The following ZNF841 variants were observed in gnomAD, a reference collection of about 807,000 sequenced individuals.
The protein encoded by ZNF841 is zinc finger protein 841, also known as TCONS_00006091.
ZNF841 carries 11 observed loss-of-function variants against 13.0 expected under a neutral mutation model. The observed-to-expected ratio is 0.85, with a 90% CI of 0.53 to 1.40. ZNF841 has a LOEUF of 1.40. ZNF841 is among the 40% of genes most tolerant of loss of function. The probability of loss-of-function intolerance (pLI) is 0.00; values close to 1 mark genes in which losing one functional copy is unlikely to be tolerated. For missense variants in ZNF841, 1,068 were observed against 1,139.5 expected (o/e 0.94, Z 0.90); for synonymous variants, 369 against 381.6 (o/e 0.97, Z 0.38).
Position 52,065,166 on chromosome 19 carries a change from T to C in ZNF841, c.2716A>G (p.Thr906Ala). 3 of 1,583,674 alleles carry C rather than the reference T, an allele frequency of 1.9e-6. No individual in the cohort carries two copies. The highest frequency in any genetic ancestry group is 2.6e-6 in the Non-Finnish European group (3 of 1,165,300). ...QIKHAGENLT[T>A]KLNVERPLDV... Reference sequence around the variant, plus strand: ...AACGGCCTTTCCACATTGAGTTTAGTTGTAAGGTTCTCTCCAGCATGTTTT... The same window carrying C: ...AACGGCCTTTCCACATTGAGTTTAGCTGTAAGGTTCTCTCCAGCATGTTTT... The change falls in exon 7 of 7, where the codon ACT becomes GCT. Residue 906 changes from threonine to alanine, a missense_variant. Thr to Ala is a moderately conservative substitution (Grantham distance 58). Transcript: ENST00000594440.
chr19:52,078,592 G>A (rs553125039), intron 4 of ZNF841, among the ~76,000 whole-genome samples: 35 of 151,402 alleles, frequency 2.3e-4, no homozygotes, highest in Non-Finnish European at 4.4e-4. Context: ...CCAGCTACTC[G>A]GGAGGCTGAG....
At chr19:52,086,517 A>G (rs1390702100) in intron 3 of ZNF841, among the ~76,000 whole-genome samples, 1 of 152,222 alleles carries the variant, frequency 6.6e-6, no homozygotes, top group Non-Finnish European at 1.5e-5. Context: ...CTGTGAGCCA[A>G]TTAAACCTGT....
At chr19:52,059,315 A>C in the ZNF841 span, among the ~76,000 whole-genome samples, 7 of 138,986 alleles carry the variant, frequency 5.0e-5, no homozygotes, top group Non-Finnish European at 7.6e-5. Flanking sequence ...GCGCCGCTGC[A>C]CTCCAGCCTG....
At chr19:52,058,903 ACT>A in the ZNF841 span, 1 of 151,736 alleles carries the variant, frequency 6.6e-6, no homozygotes, top group African/African-American at 2.5e-5. Context: ...GGTGACAGAG[ACT>A]CTGTCTCAAA....
At chr19:52,085,718 A>C (rs1241270968) in intron 3 of ZNF841, among the ~76,000 whole-genome samples, 2 of 152,176 alleles carry the variant, frequency 1.3e-5, no homozygotes, top group Non-Finnish European at 2.9e-5. Flanking sequence ...AGGGAACAGG[A>C]AAGAGGCCTG....
intron 5 of ZNF841, 32 bp from the exon 6 acceptor site, chr19:52,076,204 C>A (rs1377408381): frequency 1.9e-6 from 3 of 1,545,896 alleles, no homozygotes; most frequent in East Asian, 2.4e-5. Context: ...AGATGTCCCA[C>A]GGTTTTTCCA....
At position 52,067,367 on chromosome 19, in the gene ZNF841, T is replaced by A. The variant is rs1327731728; in HGVS notation, c.515A>T (p.Gln172Leu). The A allele has an allele frequency of 1.2e-5, 18 of 1,549,650 alleles. No homozygotes were observed. The highest frequency in any genetic ancestry group is 1.5e-5 in the Non-Finnish European group (17 of 1,146,216). Reference sequence around the variant, plus strand: ...CATATGCTTGTTTTCTACGTCCCCTTGACTATGTCGAACTCTTTGACCAGT... The same window carrying A: ...CATATGCTTGTTTTCTACGTCCCCTAGACTATGTCGAACTCTTTGACCAGT... Reference protein sequence around the residue: ...NLTGQRVRHSQGDVENKHMEN... With the variant: ...NLTGQRVRHSLGDVENKHMEN... Residue 172 changes from glutamine (Q) to leucine (L), a missense_variant, in exon 7 of 7, where the codon CAA becomes CTA. Transcript: ENST00000594440.
intron 6 of ZNF841, among the ~76,000 whole-genome samples, chr19:52,074,545 C>A (rs2087834963): frequency 6.7e-6 from 1 of 148,606 alleles, no homozygotes; most frequent in South Asian, 2.3e-4. Flanking sequence ...GAGACAAAGT[C>A]TCGCTCTTGT....
chr19:52,081,769 A>G (rs2088106551), intron 4 of ZNF841, among the ~76,000 whole-genome samples: 1 of 152,152 alleles, frequency 6.6e-6, no homozygotes. Context: ...TGGGAGGTTC[A>G]TTTGAACCCG....
downstream of ZNF841, among the ~76,000 whole-genome samples, chr19:52,061,309 C>T (rs1024096789): frequency 9.1e-4 from 139 of 152,118 alleles, 2 homozygotes; most frequent in Admixed American, 9.0e-3. Context: ...ATTGTCTGCC[C>T]CCATTATGAA....
intron 6 of ZNF841, among the ~76,000 whole-genome samples, chr19:52,069,259 G>A (rs1197040398): frequency 6.6e-6 from 1 of 152,124 alleles, no homozygotes; most frequent in Non-Finnish European, 1.5e-5. Context: ...AGTTTTGGTA[G>A]AGATGAGGTT....
Position 52,067,121 on chromosome 19 carries a change from G to T in ZNF841, c.761C>A (p.Thr254Lys), listed in dbSNP as rs1173203413. The T allele has an allele frequency of 2.5e-6, 4 of 1,571,330 alleles. No homozygotes were observed. The highest frequency in any genetic ancestry group is 1.9e-5 in the Admixed American group (1 of 53,064). Residue 254 changes from threonine (T) to lysine (K), a missense_variant, in exon 7 of 7, where the codon ACA (threonine) becomes AAA (lysine). Physicochemically the swap from Thr to Lys is moderately conservative, Grantham distance 78 (BLOSUM62 -1). Coordinates refer to ENST00000594440, the MANE Select transcript of ZNF841 (RefSeq NM_001136499.2). Reference protein sequence around the residue: ...QLSLPTQDEKTHIREKPYIGN... With the variant: ...QLSLPTQDEKKHIREKPYIGN... ...TATGTAAGGTTTTTCCCTAATATGTGTTTTCTCGTCTTGTGTAGGTAACGA... is the reference window on the plus strand; with the variant it reads ...TATGTAAGGTTTTTCCCTAATATGTTTTTTCTCGTCTTGTGTAGGTAACGA...
At chr19:52,068,581 C>A (rs894034530) in intron 6 of ZNF841, among the ~76,000 whole-genome samples, 1 of 149,868 alleles carries the variant, frequency 6.7e-6, no homozygotes. Context: ...GAGCCTGAGA[C>A]AGGAGAATCA....
chr19:52,084,760 A>C (rs778176367), intron 4 of ZNF841, 27 bp downstream of exon 4: 1 of 1,612,252 alleles, frequency 6.2e-7, no homozygotes, highest in Non-Finnish European at 8.5e-7. Flanking sequence ...GAGGAGACAG[A>C]ACAATCCACC....
intron 6 of ZNF841, among the ~76,000 whole-genome samples, chr19:52,071,077 C>T (rs2087724797): frequency 6.6e-6 from 1 of 152,040 alleles, no homozygotes; most frequent in Non-Finnish European, 1.5e-5. Context: ...AAAAGAGAAA[C>T]TAATGTAGAG....
At chr19:52,063,157 G>T (rs1485028170), downstream of ZNF841, among the ~76,000 whole-genome samples, 1 of 152,074 alleles carries the variant, frequency 6.6e-6, no homozygotes, top group Non-Finnish European at 1.5e-5. Flanking sequence ...TTACAGGCGT[G>T]AGCCACCGCA....
chr19:52,089,182 G>T (rs7255079), intron 2 of ZNF841, among the ~76,000 whole-genome samples, 180 bp from the exon 3 acceptor site: 16 of 152,024 alleles, frequency 1.1e-4, no homozygotes, highest in Admixed American at 9.2e-4. Context: ...AAAAAGGGAA[G>T]TTATTTTATG....
intron 5 of ZNF841, 73 bp downstream of exon 5, chr19:52,076,885 C>T (rs1279407471): frequency 1.6e-5 from 25 of 1,569,530 alleles, no homozygotes; most frequent in Middle Eastern, 1.7e-4. Flanking sequence ...TAGGGCCTCA[C>T]AAGAAACACA....
chr19:52,088,397 T>C (rs998526473), intron 3 of ZNF841, among the ~76,000 whole-genome samples: 5 of 152,188 alleles, frequency 3.3e-5, no homozygotes, highest in South Asian at 2.1e-4. Flanking sequence ...ATGAACCATG[T>C]ACCCTAATTA....
Sources: gnomAD v4.1 joint callset for allele counts (sites outside exome capture counted in the v4.1 genomes callset) on GRCh38, gnomAD v4.1.1 for gene constraint, MANE v1.5 for transcripts, NCBI Gene and HGNC (gene_info 2026-07-23, HGNC 2026-07-21) for gene names.